The following GRXCR1 variants were observed in gnomAD, a reference collection of about 807,000 sequenced individuals.
GRXCR1 encodes glutaredoxin and cysteine rich domain containing 1, also known as glutaredoxin domain-containing cysteine-rich protein 1.
In GRXCR1, 27 loss-of-function variants were observed where a neutral mutation model predicts 27.3. That is an observed-to-expected ratio of 0.99 (90% CI 0.73 to 1.37). GRXCR1 has a LOEUF of 1.37. GRXCR1 is among the 40% of genes most tolerant of loss of function. The probability of loss-of-function intolerance (pLI) is 0.00; values close to 1 mark genes in which losing one functional copy is unlikely to be tolerated. For missense variants in GRXCR1, 379 were observed against 354.4 expected, an observed-to-expected ratio of 1.07 and a Z score of -0.56; for synonymous variants, 122 against 131.1, an observed-to-expected ratio of 0.93 and a Z score of 0.47.
At chr4:43,004,282 T>C (rs1402478880) in intron 2 of GRXCR1, among the ~76,000 whole-genome samples, 1 of 152,186 alleles carries the variant, frequency 6.6e-6, no homozygotes, top group Non-Finnish European at 1.5e-5. Context: ...AGAGGAAGTA[T>C]GGAAACACCT....
Position 43,030,507 on chromosome 4 carries a change from T to A in GRXCR1, c.840T>A (p.Asn280Lys). Residue 280 changes from asparagine (N) to lysine (K), a missense_variant, in exon 4 of 4, where the codon AAT becomes AAA. Physicochemically the swap from Asn to Lys is moderately conservative, Grantham distance 94. Coordinates refer to ENST00000399770, the MANE Select transcript of GRXCR1 (RefSeq NM_001080476.3). ...KALKCTACNE[N>K]GLQRCKNCAG is the part of the protein sequence containing the mutation. ...TGAAGTGTACGGCTTGCAATGAAAA[T>A]GGTCTTCAGCGTTGTAAGAACTGTG... 1 of 1,614,134 alleles carries A rather than the reference T, an allele frequency of 6.2e-7. No homozygotes were observed. The highest frequency in any genetic ancestry group is 8.5e-7 in the Non-Finnish European group (1 of 1,180,000).
chr4:42,930,031 CT>C (rs1323404478), intron 1 of GRXCR1, among the ~76,000 whole-genome samples: 1 of 151,974 alleles, frequency 6.6e-6, no homozygotes, highest in Non-Finnish European at 1.5e-5. Context: ...TATGCTCTGC[CT>C]TTTGGCTCTC....
intron 3 of GRXCR1, among the ~76,000 whole-genome samples, chr4:43,029,109 C>T (rs1295029062): frequency 6.6e-6 from 1 of 152,042 alleles, no homozygotes; most frequent in African/African-American, 2.4e-5. Context: ...TGTTTGAATA[C>T]CAAAGTACAT....
chr4:42,895,073 G>A (rs1052312162), intron 1 of GRXCR1, among the ~76,000 whole-genome samples: 2 of 151,882 alleles, frequency 1.3e-5, no homozygotes, highest in Admixed American at 6.6e-5. Context: ...TATTGTTTAT[G>A]AGTAAATATC....
At chr4:42,957,412 A>C (rs1021871211) in intron 1 of GRXCR1, among the ~76,000 whole-genome samples, 2 of 152,020 alleles carry the variant, frequency 1.3e-5, no homozygotes, top group African/African-American at 4.8e-5. Flanking sequence ...AATTATTCTA[A>C]TGACTGAATG....
At chr4:43,025,795 T>C (rs1006943440) in intron 3 of GRXCR1, among the ~76,000 whole-genome samples, 1 of 152,076 alleles carries the variant, frequency 6.6e-6, no homozygotes, top group Non-Finnish European at 1.5e-5. Context: ...GCTAACACGG[T>C]GAAACCCCGT....
intron 1 of GRXCR1, among the ~76,000 whole-genome samples, chr4:42,916,037 T>C (rs1385521094): frequency 6.7e-6 from 1 of 150,058 alleles, no homozygotes; most frequent in East Asian, 2.0e-4. Flanking sequence ...AGTATAAGAA[T>C]AGAACAAAAA....
intron 1 of GRXCR1, among the ~76,000 whole-genome samples, chr4:42,924,885 A>G (rs998136142): frequency 6.6e-6 from 1 of 152,054 alleles, no homozygotes; most frequent in African/African-American, 2.4e-5. Flanking sequence ...AGGGAAGTCT[A>G]AAAACTGCCA....
At position 42,950,544 on chromosome 4, in the gene GRXCR1, C is replaced by T. The variant is rs976125191; in HGVS notation, c.385-12348C>T. On this transcript the variant is annotated intron_variant, in intron 1 of 3. Coordinates refer to ENST00000399770, the MANE Select transcript of GRXCR1 (RefSeq NM_001080476.3). ...CAAGATATTCATATTACAAGATAGA[C>T]ATTTTTGTTTAGTAGGAATGTGGTT... Among the ~76,000 whole-genome samples, 8 of 152,202 alleles carry T rather than the reference C, an allele frequency of 5.3e-5. No individual in the cohort carries two copies. In the South Asian group the frequency reaches 1.2e-3, roughly 24 times the overall value.
chr4:42,901,238 T>C (rs1434060087), intron 1 of GRXCR1, among the ~76,000 whole-genome samples: 3 of 152,298 alleles, frequency 2.0e-5, no homozygotes, highest in South Asian at 4.1e-4. Flanking sequence ...TAGTTTCCTA[T>C]TGCTGCTGAA....
intron 2 of GRXCR1, among the ~76,000 whole-genome samples, chr4:43,008,164 T>A (rs1360733669): frequency 2.0e-5 from 3 of 152,222 alleles, no homozygotes; most frequent in African/African-American, 7.2e-5. Context: ...TTTTTTCATC[T>A]TTTTAGTATT....
At chr4:43,012,614 C>T (rs533316989) in intron 2 of GRXCR1, among the ~76,000 whole-genome samples, 3 of 152,150 alleles carry the variant, frequency 2.0e-5, no homozygotes, top group African/African-American at 4.8e-5. Flanking sequence ...TGTCATGCAA[C>T]GTTCTAAATT....
At chr4:43,019,114 T>C (rs1713021857) in intron 2 of GRXCR1, among the ~76,000 whole-genome samples, 1 of 152,162 alleles carries the variant, frequency 6.6e-6, no homozygotes, top group Non-Finnish European at 1.5e-5. Flanking sequence ...AGAAACCTCA[T>C]CCAGTCTTTG....
intron 1 of GRXCR1, among the ~76,000 whole-genome samples, chr4:42,932,663 GA>G (rs1560654470): frequency 2.9e-4 from 34 of 115,934 alleles, no homozygotes; most frequent in African/African-American, 1.0e-3. Context: ...GAGAGAGAGA[GA>G]GGCAATCTGT....
At chr4:42,935,067 ACT>A (rs1478732493) in intron 1 of GRXCR1, among the ~76,000 whole-genome samples, 1 of 151,882 alleles carries the variant, frequency 6.6e-6, no homozygotes, top group Non-Finnish European at 1.5e-5. Context: ...AATGCCTGAA[ACT>A]CTGACTGCTC....
At chr4:42,914,606 G>A (rs1746843488) in intron 1 of GRXCR1, among the ~76,000 whole-genome samples, 1 of 152,092 alleles carries the variant, frequency 6.6e-6, no homozygotes, top group African/African-American at 2.4e-5. Flanking sequence ...GGACTTTTGA[G>A]TTAAGACTTT....
intron 1 of GRXCR1, among the ~76,000 whole-genome samples, chr4:42,930,212 G>C (rs1747271204): frequency 6.6e-6 from 1 of 152,018 alleles, no homozygotes; most frequent in South Asian, 2.1e-4. Flanking sequence ...TAGGGGAAGG[G>C]ATCCCAGCAC....
chr4:43,026,818 G>C (rs760009523), intron 3 of GRXCR1, among the ~76,000 whole-genome samples: 2 of 152,224 alleles, frequency 1.3e-5, no homozygotes, highest in African/African-American at 4.8e-5. Context: ...GTGTGAGAAG[G>C]GGGCAAAGAC....
chr4:42,959,095 A>G lies in GRXCR1; in HGVS notation c.385-3797A>G, dbSNP rs956087851. On this transcript the variant is annotated intron_variant, in intron 1 of 3. Transcript: ENST00000399770. ...ATACTCAAAGGAAATGAAATTACCA[A>G]CTCTTAAAGACACCTGCACTCTCAT... is the stretch of plus-strand genomic sequence containing the variant. Among the ~76,000 whole-genome samples, 3 of 151,870 alleles carry G rather than the reference A, an allele frequency of 2.0e-5. No individual in the cohort carries two copies. In the East Asian group the frequency reaches 5.8e-4, roughly 29 times the overall value.
Sources: gnomAD v4.1 joint callset for allele counts (sites outside exome capture counted in the v4.1 genomes callset) on GRCh38, gnomAD v4.1.1 for gene constraint, MANE v1.5 for transcripts, NCBI Gene and HGNC (gene_info 2026-07-23, HGNC 2026-07-21) for gene names.